Variants in NEK7 observed in about 807,000 individuals in gnomAD.
NEK7 encodes NIMA related kinase 7.
In NEK7, 18 loss-of-function variants were observed where a neutral mutation model predicts 44.6. That is an observed-to-expected ratio of 0.40 (90% CI 0.28 to 0.60). The LOEUF is 0.60. Ranked by LOEUF, NEK7 falls within the 20% of genes least tolerant of loss-of-function variation. NEK7 has a pLI of 0.38. For missense variants in NEK7, 256 were observed against 366.5 expected, an observed-to-expected ratio of 0.70 and a Z score of 2.46; for synonymous variants, 130 against 121.1, an observed-to-expected ratio of 1.07 and a Z score of -0.48.
intron 2 of NEK7, among the ~76,000 whole-genome samples, chr1:198,246,309 T>G (rs1232026166): frequency 6.6e-6 from 1 of 152,226 alleles, no homozygotes; most frequent in Non-Finnish European, 1.5e-5. Context: ...ACATCTACAC[T>G]GGGTGACAGG....
At chr1:198,269,531 G>A (rs1007599221) in intron 5 of NEK7, among the ~76,000 whole-genome samples, 3 of 152,134 alleles carry the variant, frequency 2.0e-5, no homozygotes, top group African/African-American at 7.2e-5. Context: ...AAGGACAGCA[G>A]TGAATGCTTG....
chr1:198,264,434 A>G (rs1653583716), intron 5 of NEK7, among the ~76,000 whole-genome samples, 199 bp downstream of exon 5: 1 of 152,056 alleles, frequency 6.6e-6, no homozygotes, highest in Admixed American at 6.6e-5. Flanking sequence ...TACACTGATC[A>G]GCTTAAATAT....
At chr1:198,268,622 A>C (rs531378291) in intron 5 of NEK7, among the ~76,000 whole-genome samples, 1 of 152,276 alleles carries the variant, frequency 6.6e-6, no homozygotes, top group Admixed American at 6.5e-5. Flanking sequence ...CAAAGAAAAA[A>C]GAAAAACTTC....
intron 1 of NEK7, among the ~76,000 whole-genome samples, chr1:198,162,768 T>C (rs1571492113): frequency 6.6e-6 from 1 of 152,084 alleles, no homozygotes; most frequent in Non-Finnish European, 1.5e-5. Flanking sequence ...ATATTCAAAA[T>C]TTAATGGTTC....
intron 1 of NEK7, among the ~76,000 whole-genome samples, chr1:198,220,335 G>A (rs10922380): frequency 0.2 from 30,109 of 151,766 alleles, 3,564 homozygotes; most frequent in African/African-American, 0.31. Context: ...CTGAGTCCTA[G>A]AACCAATCAT....
At chr1:198,257,936 G>C (rs187419950) in intron 3 of NEK7, among the ~76,000 whole-genome samples, 95 of 152,182 alleles carry the variant, frequency 6.2e-4, no homozygotes, top group African/African-American at 2.2e-3. Flanking sequence ...TTTTTGTGTG[G>C]AAAATAGACA....
intron 9 of NEK7, among the ~76,000 whole-genome samples, chr1:198,302,863 G>T (rs760564742): frequency 6.6e-6 from 1 of 150,716 alleles, no homozygotes; most frequent in Non-Finnish European, 1.5e-5. Flanking sequence ...GTACCTGTGC[G>T]GCATGGCATC....
intron 1 of NEK7, among the ~76,000 whole-genome samples, chr1:198,193,847 A>G (rs1324342009): frequency 1.3e-5 from 2 of 152,128 alleles, no homozygotes; most frequent in South Asian, 2.1e-4. Flanking sequence ...AAAGCCATAT[A>G]TGACAGCCAA....
chr1:198,159,363 C>T (rs531014151), intron 1 of NEK7, among the ~76,000 whole-genome samples: 1 of 152,220 alleles, frequency 6.6e-6, no homozygotes, highest in African/African-American at 2.4e-5. Context: ...TCCTAGGTGT[C>T]CCGTTTCGTG....
intron 1 of NEK7, among the ~76,000 whole-genome samples, chr1:198,230,956 T>G (rs1666370414): frequency 6.6e-6 from 1 of 151,954 alleles, no homozygotes; most frequent in Admixed American, 6.6e-5. Context: ...AGACCCCATA[T>G]TATTAAGATG....
intron 1 of NEK7, among the ~76,000 whole-genome samples, chr1:198,200,552 C>CTTTT (rs531448626): frequency 7.6e-6 from 1 of 131,370 alleles, no homozygotes; most frequent in African/African-American, 3.0e-5. Context: ...TTCTTTCTTT[C>CTTTT]TTTTTTTTTT....
chr1:198,295,487 G>A (rs1378825400), intron 8 of NEK7, among the ~76,000 whole-genome samples: 2 of 152,040 alleles, frequency 1.3e-5, no homozygotes, highest in South Asian at 2.1e-4. Context: ...GGGCAGCATC[G>A]AGATGCACTA....
Position 198,242,897 on chromosome 1 carries a change from C to T in NEK7, c.58-10143C>T, listed in dbSNP as rs917765738. Among the ~76,000 whole-genome samples the T allele has an allele frequency of 2.7e-5, 4 of 149,992 alleles. No individual in the cohort carries two copies. In the East Asian group the frequency reaches 5.9e-4, roughly 22 times the overall value. On this transcript the variant is annotated intron_variant, in intron 2 of 9. Coordinates refer to ENST00000367385, the MANE Select transcript of NEK7 (RefSeq NM_133494.3). ...GTTTTCCAGGGTGGTCTTGAACTTCCGAGCTCAAGTGATCCGCCTGCCTTG... is the reference window on the plus strand; with the variant it reads ...GTTTTCCAGGGTGGTCTTGAACTTCTGAGCTCAAGTGATCCGCCTGCCTTG...
chr1:198,177,689 C>T (rs189389042), intron 1 of NEK7, among the ~76,000 whole-genome samples: 41 of 151,938 alleles, frequency 2.7e-4, no homozygotes, highest in Non-Finnish European at 1.5e-5. Context: ...AATCTGAGAA[C>T]TGGGAATGAA....
At chr1:198,284,331 A>G (rs1447481590) in intron 7 of NEK7, among the ~76,000 whole-genome samples, 2 of 152,152 alleles carry the variant, frequency 1.3e-5, no homozygotes, top group Non-Finnish European at 2.9e-5. Context: ...TGTTGTTATT[A>G]GATCTAGAAA....
At chr1:198,313,718 T>C (rs1319351180) in intron 9 of NEK7, among the ~76,000 whole-genome samples, 1 of 121,340 alleles carries the variant, frequency 8.2e-6, no homozygotes, top group Non-Finnish European at 1.6e-5. Context: ...TGGCTGGATA[T>C]GAAATTCTGG....
chr1:198,183,243 C>T (rs1022418621), intron 1 of NEK7, among the ~76,000 whole-genome samples: 1 of 151,540 alleles, frequency 6.6e-6, no homozygotes. Context: ...TTTCATGTGG[C>T]GATGTCTCTG....
In NEK7 at chr1:198,292,998, T is replaced by C; in HGVS notation, c.643T>C (p.Phe215Leu). The change falls in exon 8 of 10, where the codon TTC (phenylalanine) becomes CTC (leucine). Residue 215 changes from phenylalanine to leucine, a missense_variant. By Grantham distance (22) the Phe-to-Leu change is conservative. This residue lies in a region of NEK7 where 102 missense variants were observed against 205.2 expected (regional missense o/e 0.50). Coordinates refer to ENST00000367385, the MANE Select transcript of NEK7 (RefSeq NM_133494.3). Reference sequence around the variant, plus strand: ...GAGAATACATGAAAATGGATACAACTTCAAATCTGACATCTGGTCTCTTGG... The same window carrying C: ...GAGAATACATGAAAATGGATACAACCTCAAATCTGACATCTGGTCTCTTGG... ...PERIHENGYN[F>L]KSDIWSLGCL... 1 of 1,602,690 alleles carries C rather than the reference T, an allele frequency of 6.2e-7. No homozygotes were observed. The highest frequency in any genetic ancestry group is 8.5e-7 in the Non-Finnish European group (1 of 1,170,048).
intron 1 of NEK7, among the ~76,000 whole-genome samples, chr1:198,193,072 TAAAG>T (rs1239141503): frequency 2.0e-5 from 3 of 149,170 alleles, no homozygotes; most frequent in Admixed American, 2.0e-4. Flanking sequence ...GCTAAACTAA[TAAAG>T]AAGAAGACAG....
Sources: allele counts gnomAD v4.1 joint callset (sites outside exome capture counted in the v4.1 genomes callset), GRCh38; gene constraint gnomAD v4.1.1; regional missense constraint gnomAD v4.1.1; transcripts MANE v1.5; gene names NCBI Gene and HGNC (gene_info 2026-07-23, HGNC 2026-07-21).